Variants in CHD7 observed in about 807,000 individuals in gnomAD.
The protein encoded by CHD7 is ATP-dependent chromatin remodeler CHD7.
A neutral mutation model predicts 307.3 loss-of-function variants in CHD7; 24 were observed. The observed-to-expected ratio is 0.08, with a 90% CI of 0.06 to 0.11. The LOEUF is 0.11. Among genes scored for constraint, CHD7 ranks in the 10% least tolerant of loss-of-function variants. The pLI is 1.00. For missense variants in CHD7, 3,106 were observed against 3,727.1 expected, an observed-to-expected ratio of 0.83 and a Z score of 4.34; for synonymous variants, 1,363 against 1,349.9, an observed-to-expected ratio of 1.01 and a Z score of -0.21.
intron 1 of CHD7, among the ~76,000 whole-genome samples, chr8:60,699,549 G>T (rs111728569): frequency 2.6e-5 from 4 of 151,806 alleles, no homozygotes; most frequent in African/African-American, 9.7e-5. Flanking sequence ...AAAGCCTGGG[G>T]TAGCCTGTTC....
intron 1 of CHD7, among the ~76,000 whole-genome samples, chr8:60,689,676 C>T (rs1298877031): frequency 1.3e-5 from 2 of 152,192 alleles, no homozygotes; most frequent in Non-Finnish European, 2.9e-5. Context: ...AATCGAGAGG[C>T]TGAATGGTGT....
At chr8:60,697,267 A>G (rs1338789706) in intron 1 of CHD7, among the ~76,000 whole-genome samples, 1 of 152,176 alleles carries the variant, frequency 6.6e-6, no homozygotes, top group African/African-American at 2.4e-5. Context: ...TATCTTTCTC[A>G]TGGAAGAAAC....
intron 2 of CHD7, among the ~76,000 whole-genome samples, chr8:60,754,100 C>T (rs1013468843): frequency 6.6e-6 from 1 of 152,112 alleles, no homozygotes; most frequent in Non-Finnish European, 1.5e-5. Context: ...AGCCTCTCAC[C>T]CCTCCACTAT....
chr8:60,791,377 T>A (rs1165579715), intron 3 of CHD7, among the ~76,000 whole-genome samples: 1 of 152,230 alleles, frequency 6.6e-6, no homozygotes, highest in Non-Finnish European at 1.5e-5. Context: ...TAGCCATCAC[T>A]GCAGCTGTTA....
At chr8:60,839,097 A>T (rs1382366848) in intron 19 of CHD7, among the ~76,000 whole-genome samples, 2 of 152,200 alleles carry the variant, frequency 1.3e-5, no homozygotes, top group Non-Finnish European at 2.9e-5. Context: ...TATCCATACC[A>T]GTCTGCCATA....
At position 60,791,747 on chromosome 8, in the gene CHD7, A is replaced by G. The variant is rs560276430; in HGVS notation, c.2097-3239A>G. Among the ~76,000 whole-genome samples the G allele has an allele frequency of 2.0e-5, 3 of 152,266 alleles. No individual in the cohort carries two copies. In the East Asian group the frequency reaches 5.8e-4, roughly 29 times the overall value. On this transcript the variant is annotated intron_variant, in intron 3 of 37. Coordinates refer to ENST00000423902, the MANE Select transcript of CHD7 (RefSeq NM_017780.4). ...ATTAATAGCCTGGGCGGGAAATGAT[A>G]TGTGTCTGAACTAAAGCAGTGGTCA...
intron 21 of CHD7, 70 bp from the exon 22 acceptor site, chr8:60,844,794 A>T (rs2150792677): frequency 7.5e-7 from 1 of 1,325,664 alleles, no homozygotes; most frequent in Non-Finnish European, 1.0e-6. Flanking sequence ...CAACGCTGGT[A>T]CCTGACTTAA....
chr8:60,801,052 T>A (rs1030387192), intron 5 of CHD7, among the ~76,000 whole-genome samples: 5 of 152,264 alleles, frequency 3.3e-5, no homozygotes, highest in Admixed American at 3.3e-4. Context: ...TGCTTTTTTC[T>A]TATTGAAAAG....
chr8:60,753,185 A>T (rs1809721206), intron 2 of CHD7, among the ~76,000 whole-genome samples: 1 of 152,146 alleles, frequency 6.6e-6, no homozygotes, highest in East Asian at 1.9e-4. Flanking sequence ...GTAGTATTTC[A>T]TTTTTGTCAT....
intron 2 of CHD7, among the ~76,000 whole-genome samples, chr8:60,764,303 C>T (rs1454898925): frequency 6.6e-6 from 1 of 152,112 alleles, no homozygotes; most frequent in Non-Finnish European, 1.5e-5. Flanking sequence ...AGAAATATTT[C>T]ACAGTTCATG....
rs368609862 is a variant in CHD7 at position 60,850,528 on chromosome 8, G to A, written c.5440G>A (p.Ala1814Thr). 148 of 1,613,586 alleles carry A rather than the reference G, an allele frequency of 9.2e-5. No individual in the cohort carries two copies. Among genetic ancestry groups the A allele is most frequent in the Non-Finnish European group, 1.0e-4 (121 of 1,179,754 alleles). The change falls in exon 26 of 38, where the codon GCG (alanine) becomes ACG (threonine). Residue 1814 changes from alanine to threonine, a missense_variant. Ala to Thr is a moderately conservative substitution (Grantham distance 58). Coordinates refer to ENST00000423902, the MANE Select transcript of CHD7 (RefSeq NM_017780.4). ...GTACAACTCCATGCGAGCTGACCCC[G>A]CGCTGTGCTTTCTGGAACGAGTCGG... ...EKYNSMRADPALCFLERVGMP... is the reference protein window; with the variant it reads ...EKYNSMRADPTLCFLERVGMP...
At chr8:60,730,784 C>T (rs1014548647) in intron 1 of CHD7, among the ~76,000 whole-genome samples, 4 of 151,862 alleles carry the variant, frequency 2.6e-5, no homozygotes, top group African/African-American at 7.3e-5. Context: ...GGCGTGAACC[C>T]GGGAGGTGGA....
chr8:60,830,638 C>G (rs1586406018), intron 15 of CHD7, 61 bp downstream of exon 15: 1 of 1,575,170 alleles, frequency 6.3e-7, no homozygotes, highest in East Asian at 2.2e-5. Flanking sequence ...AAATCCCTTT[C>G]TGCCCCCAGA....
At chr8:60,835,718 G>A (rs1327682799) in intron 15 of CHD7, among the ~76,000 whole-genome samples, 2 of 152,120 alleles carry the variant, frequency 1.3e-5, no homozygotes, top group Non-Finnish European at 1.5e-5. Flanking sequence ...CATTTCTTTA[G>A]CAATTTAGGT....
chr8:60,795,547 C>T (rs1289703599), intron 4 of CHD7, among the ~76,000 whole-genome samples: 1 of 152,108 alleles, frequency 6.6e-6, no homozygotes, highest in Non-Finnish European at 1.5e-5. Context: ...AGTAGCCTGT[C>T]TAAAGTTTCT....
intron 1 of CHD7, among the ~76,000 whole-genome samples, chr8:60,695,073 G>C (rs1184737711): frequency 2.0e-5 from 3 of 152,138 alleles, no homozygotes; most frequent in African/African-American, 7.2e-5. Context: ...AGGGTGGGGG[G>C]AAGAGGGACT....
At chr8:60,747,137 C>T (rs13264014) in intron 2 of CHD7, among the ~76,000 whole-genome samples, 117,853 of 152,214 alleles carry the variant, frequency 0.77, 45,908 homozygotes, top group East Asian at 0.94. Flanking sequence ...AGGGCAGTGG[C>T]GCGTTCTTGG....
chr8:60,784,505 C>T (rs1189221186), intron 3 of CHD7, among the ~76,000 whole-genome samples: 2 of 152,128 alleles, frequency 1.3e-5, no homozygotes, highest in East Asian at 3.8e-4. Context: ...CCCGAGGGTG[C>T]TCTAGCTTTC....
At chr8:60,765,243 A>G (rs1586290322) in intron 2 of CHD7, among the ~76,000 whole-genome samples, 2 of 151,614 alleles carry the variant, frequency 1.3e-5, no homozygotes, top group African/African-American at 4.8e-5. Flanking sequence ...ACACGCATGC[A>G]TGCACACACA....
Sources: allele counts gnomAD v4.1 joint callset (sites outside exome capture counted in the v4.1 genomes callset), GRCh38; gene constraint gnomAD v4.1.1; transcripts MANE v1.5; gene names NCBI Gene and HGNC (gene_info 2026-07-23, HGNC 2026-07-21).